CLMN: variants seen among roughly 807,000 people sequenced by gnomAD.
CLMN encodes the protein calmin, also known as calmin (calponin-like, transmembrane).
A neutral mutation model predicts 92.7 loss-of-function variants in CLMN; 57 were observed. The ratio of observed to expected loss-of-function variants is 0.61; its 90% CI spans 0.50 to 0.77. The LOEUF (loss-of-function observed/expected upper bound fraction) is 0.77. CLMN is among the 30% of genes least tolerant of loss of function. The pLI, the probability that CLMN is intolerant of heterozygous loss-of-function variation, is 0.00. For synonymous variants in CLMN, 466 were observed against 470.6 expected (o/e 0.99, Z 0.13); for missense variants, 1,158 against 1,237.5 (o/e 0.94, Z 0.96).
rs143125096 is a variant in CLMN at position 95,228,971 on chromosome 14, G to A, written c.144+1101C>T. Among the ~76,000 whole-genome samples the A allele has an allele frequency of 7.9e-4, 120 of 152,264 alleles. 1 individual carries two copies. Among genetic ancestry groups the A allele is most frequent in the African/African-American group, 2.7e-3 (111 of 41,542 alleles). On this transcript the variant is annotated intron_variant, in intron 2 of 12. Transcript: ENST00000298912. ...GTTACAGGCATAAGCCACTGTGCCC[G>A]GCCTCTCTTGAACCTTTTAAGAGGA... is the stretch of plus-strand genomic sequence containing the variant.
chr14:95,313,496 T>C (rs866582709), intron 1 of CLMN, among the ~76,000 whole-genome samples: 23 of 152,352 alleles, frequency 1.5e-4, no homozygotes, highest in African/African-American at 3.8e-4. Context: ...GGGCCGTAGT[T>C]TGCAAATCCC....
chr14:95,266,411 A>G (rs1899476968), intron 1 of CLMN, among the ~76,000 whole-genome samples: 1 of 152,266 alleles, frequency 6.6e-6, no homozygotes, highest in African/African-American at 2.4e-5. Context: ...ACGAAAGCAA[A>G]CAATCTGAAA....
At chr14:95,268,288 T>A (rs1899556717) in intron 1 of CLMN, among the ~76,000 whole-genome samples, 1 of 152,056 alleles carries the variant, frequency 6.6e-6, no homozygotes, top group African/African-American at 2.4e-5. Context: ...AATATGTGTA[T>A]CGTTTATGTA....
At chr14:95,244,988 T>TACACAC (rs140106985) in intron 1 of CLMN, among the ~76,000 whole-genome samples, 1,627 of 135,902 alleles carry the variant, frequency 0.012, 30 homozygotes, top group African/African-American at 0.039. Context: ...TATATGTGTA[T>TACACAC]ACACACACAC....
In CLMN at chr14:95,214,831, T is replaced by C. The variant is rs558687916; in HGVS notation, c.417+810A>G. On this transcript the variant is annotated intron_variant, in intron 5 of 12. Coordinates refer to ENST00000298912, the MANE Select transcript of CLMN (RefSeq NM_024734.4). ...TCATGCTTCTCTGAAATGCAGGCAT[T>C]GCGCCAAAATCCAAGCAAATCATGC... Among the ~76,000 whole-genome samples the C allele has an allele frequency of 3.3e-5, 5 of 152,256 alleles. No individual in the cohort carries two copies. In the South Asian group the frequency reaches 1.0e-3, roughly 32 times the overall value.
intron 1 of CLMN, among the ~76,000 whole-genome samples, chr14:95,262,790 C>T (rs1211546509): frequency 1.3e-5 from 2 of 152,186 alleles, no homozygotes; most frequent in Non-Finnish European, 2.9e-5. Flanking sequence ...TGGTCTCAAA[C>T]TCCTGGATTC....
intron 12 of CLMN, chr14:95,193,019 C>A (rs1433032755): frequency 3.4e-6 from 1 of 289,912 alleles, no homozygotes; most frequent in East Asian, 6.6e-5. Context: ...TCTTTTTTAG[C>A]AGCCAGAGGG....
At chr14:95,317,794 A>ATCTGGG (rs1901858924) in intron 1 of CLMN, among the ~76,000 whole-genome samples, 1 of 152,224 alleles carries the variant, frequency 6.6e-6, no homozygotes, top group East Asian at 1.9e-4. Flanking sequence ...TGGTTGTTAC[A>ATCTGGG]TAGATGTACT....
intron 1 of CLMN, among the ~76,000 whole-genome samples, chr14:95,238,111 G>A (rs1297332883): frequency 1.3e-5 from 2 of 152,094 alleles, no homozygotes; most frequent in African/African-American, 4.8e-5. Context: ...CCCTCAGACG[G>A]CCCCTGCCTG....
At chr14:95,301,785 T>G (rs764928210) in intron 1 of CLMN, among the ~76,000 whole-genome samples, 2 of 152,244 alleles carry the variant, frequency 1.3e-5, no homozygotes, top group Non-Finnish European at 2.9e-5. Flanking sequence ...GAAACTTTCC[T>G]GGATCACTCA....
intron 9 of CLMN, among the ~76,000 whole-genome samples, chr14:95,200,753 C>T (rs1463026934): frequency 6.6e-6 from 1 of 152,112 alleles, no homozygotes; most frequent in East Asian, 1.9e-4. Flanking sequence ...GAGCGCATGT[C>T]CCCTTATGCT....
chr14:95,242,251 T>C (rs981674402), intron 1 of CLMN, among the ~76,000 whole-genome samples: 32 of 66,180 alleles, frequency 4.8e-4, no homozygotes, highest in Non-Finnish European at 7.3e-4. Flanking sequence ...TTTCTTTTTC[T>C]TTTTTTTTTT....
At chr14:95,246,946 G>C (rs536114271) in intron 1 of CLMN, among the ~76,000 whole-genome samples, 1 of 152,136 alleles carries the variant, frequency 6.6e-6, no homozygotes, top group African/African-American at 2.4e-5. Flanking sequence ...TCAATTCTAG[G>C]AACAAAATCT....
chr14:95,278,844 CT>C (rs1024575693), intron 1 of CLMN, among the ~76,000 whole-genome samples: 12 of 152,142 alleles, frequency 7.9e-5, no homozygotes, highest in African/African-American at 2.9e-4. Flanking sequence ...TGCTGATTCC[CT>C]TTTGAGATCC....
rs1484773192 is a variant in CLMN at position 95,259,518 on chromosome 14, C to A, written c.83-29385G>T. On this transcript the variant is annotated intron_variant, in intron 1 of 12. Transcript: ENST00000298912. The surrounding 1 kb of genome is among the most constrained non-coding windows in gnomAD (Gnocchi z 4.3). ...GTTTCAAGAAACATCTGGGAGGAAACGAGACAGGCTGTAGTTCCCACAGAG... is the reference window on the plus strand; with the variant it reads ...GTTTCAAGAAACATCTGGGAGGAAAAGAGACAGGCTGTAGTTCCCACAGAG... Among the ~76,000 whole-genome samples, 1 of 152,106 alleles carries A rather than the reference C, an allele frequency of 6.6e-6. No homozygotes were observed. Among genetic ancestry groups the A allele is most frequent in the Non-Finnish European group, 1.5e-5 (1 of 68,016 alleles).
At chr14:95,237,823 GTCTGAGCTGACCTCTGC>G (rs1898108588) in intron 1 of CLMN, among the ~76,000 whole-genome samples, 1 of 152,118 alleles carries the variant, frequency 6.6e-6, no homozygotes, top group Admixed American at 6.5e-5. Flanking sequence ...CTCATTCTTG[GTCTGAGCTGACCTCTGC>G]TCTCTGGGAA....
intron 6 of CLMN, among the ~76,000 whole-genome samples, chr14:95,212,302 A>C (rs577769923): frequency 1.2e-4 from 18 of 152,108 alleles, no homozygotes; most frequent in African/African-American, 4.3e-4. Flanking sequence ...AAGGTAAATG[A>C]TTCACCAGGA....
At position 95,198,411 on chromosome 14, in the gene CLMN, T is replaced by C. The variant is rs147845697; in HGVS notation, c.2512-1717A>G. Among the ~76,000 whole-genome samples the C allele has an allele frequency of 6.3e-3, 956 of 152,018 alleles. 8 individuals are homozygous for C. The highest frequency in any genetic ancestry group is 0.01 in the Non-Finnish European group (695 of 67,968). On this transcript the variant is annotated intron_variant, in intron 9 of 12. Coordinates refer to ENST00000298912, the MANE Select transcript of CLMN (RefSeq NM_024734.4). Reference sequence around the variant, plus strand: ...AAATGCCTCATCCCATCTCCTTGTCTGCCAGGACCCAAGACTCCCAGACCT... The same window carrying C: ...AAATGCCTCATCCCATCTCCTTGTCCGCCAGGACCCAAGACTCCCAGACCT...
At chr14:95,275,219 C>T (rs2140729122) in intron 1 of CLMN, among the ~76,000 whole-genome samples, 1 of 152,144 alleles carries the variant, frequency 6.6e-6, no homozygotes, top group South Asian at 2.1e-4. Context: ...AGGCTGAGAC[C>T]TACAGGGCTG....
Sources: gnomAD v4.1 joint callset for allele counts (sites outside exome capture counted in the v4.1 genomes callset) on GRCh38, gnomAD v4.1.1 for gene constraint, Gnocchi (gnomAD v3.1) non-coding constraint, MANE v1.5 for transcripts, NCBI Gene and HGNC (gene_info 2026-07-23, HGNC 2026-07-21) for gene names.